THSD7B: variants seen among roughly 807,000 people sequenced by gnomAD.
THSD7B encodes the protein thrombospondin type 1 domain containing 7B, also known as thrombospondin type-1 domain-containing protein 7B.
Under a neutral mutation model 213.6 loss-of-function variants are expected in THSD7B, and 138 were observed. That is an observed-to-expected ratio of 0.65 (90% CI 0.56 to 0.74). The LOEUF (loss-of-function observed/expected upper bound fraction) is 0.74, where lower values mean the gene tolerates loss of function less well. THSD7B is among the 30% of genes least tolerant of loss of function. The pLI is 0.00. For missense variants in THSD7B, 1,931 were observed against 1,991.5 expected (o/e 0.97, Z 0.58); for synonymous variants, 742 against 687.0 (o/e 1.08, Z -1.25).
chr2:137,519,463 T>A (rs1296964067), intron 15 of THSD7B, among the ~76,000 whole-genome samples: 1 of 152,152 alleles, frequency 6.6e-6, no homozygotes, highest in Non-Finnish European at 1.5e-5. Flanking sequence ...AACTGCTGAT[T>A]CTAAAATGCT....
intron 12 of THSD7B, among the ~76,000 whole-genome samples, chr2:137,350,572 C>A (rs1207470226): frequency 6.6e-6 from 1 of 151,620 alleles, no homozygotes; most frequent in Non-Finnish European, 1.5e-5. Context: ...AGCAATAGAA[C>A]CATTGCAGAG....
intron 5 of THSD7B, among the ~76,000 whole-genome samples, chr2:137,126,453 C>A (rs766242049): frequency 6.6e-6 from 1 of 151,594 alleles, no homozygotes; most frequent in South Asian, 2.1e-4. Flanking sequence ...AGGTTTCCCC[C>A]ACCCCCCTGC....
chr2:137,539,156 A>G (rs116233511), intron 15 of THSD7B, among the ~76,000 whole-genome samples: 294 of 151,908 alleles, frequency 1.9e-3, no homozygotes, highest in African/African-American at 7.0e-3. Flanking sequence ...CATATAATAA[A>G]TAAAAGCATC....
At chr2:137,652,213 G>A (rs1683153279) in intron 21 of THSD7B, among the ~76,000 whole-genome samples, 1 of 151,824 alleles carries the variant, frequency 6.6e-6, no homozygotes, top group Non-Finnish European at 1.5e-5. Flanking sequence ...ATCTATTAAT[G>A]TTTTCTTTAT....
chr2:137,007,842 TA>T (rs1686147451), intron 2 of THSD7B, among the ~76,000 whole-genome samples: 1 of 152,180 alleles, frequency 6.6e-6, no homozygotes, highest in Non-Finnish European at 1.5e-5. Flanking sequence ...ATGAGTCACC[TA>T]AATACCACTT....
At chr2:137,576,796 C>A (rs1434214307) in intron 17 of THSD7B, among the ~76,000 whole-genome samples, 3 of 96,622 alleles carry the variant, frequency 3.1e-5, no homozygotes, top group South Asian at 6.8e-4. Context: ...AAGAAAAACA[C>A]CCCCCCCCCT....
At chr2:137,572,361 C>T (rs774947703) in intron 16 of THSD7B, 45 bp from the exon 17 acceptor site, 58 of 1,603,128 alleles carry the variant, frequency 3.6e-5, no homozygotes, top group Non-Finnish European at 4.8e-5. Context: ...AATATACTCT[C>T]CACTGTTTTA....
intron 15 of THSD7B, among the ~76,000 whole-genome samples, chr2:137,528,648 C>T (rs1322539908): frequency 6.6e-6 from 1 of 152,000 alleles, no homozygotes; most frequent in Non-Finnish European, 1.5e-5. Flanking sequence ...GGCTAGCCAT[C>T]CCACACTGCC....
At chr2:136,972,062 A>G (rs1424419469) in intron 2 of THSD7B, among the ~76,000 whole-genome samples, 1 of 152,150 alleles carries the variant, frequency 6.6e-6, no homozygotes, top group Non-Finnish European at 1.5e-5. Flanking sequence ...CTCCCCAGCT[A>G]CCTTCCCTGA....
At chr2:136,994,952 T>C (rs1685856616) in intron 2 of THSD7B, among the ~76,000 whole-genome samples, 1 of 152,208 alleles carries the variant, frequency 6.6e-6, no homozygotes, top group Non-Finnish European at 1.5e-5. Flanking sequence ...GATGCTGGGA[T>C]CTTCAGCTAA....
chr2:137,511,618 G>A (rs1476150322), intron 15 of THSD7B, among the ~76,000 whole-genome samples: 1 of 152,128 alleles, frequency 6.6e-6, no homozygotes. Context: ...ATACACAGAG[G>A]TTATGCTAAC....
intron 14 of THSD7B, among the ~76,000 whole-genome samples, chr2:137,438,949 G>C (rs1367290197): frequency 6.6e-6 from 1 of 152,080 alleles, no homozygotes; most frequent in Non-Finnish European, 1.5e-5. Flanking sequence ...AAAAGAGAAA[G>C]ATTTGAGACA....
At chr2:137,504,885 C>T (rs1214342071) in intron 15 of THSD7B, among the ~76,000 whole-genome samples, 1 of 152,034 alleles carries the variant, frequency 6.6e-6, no homozygotes, top group East Asian at 1.9e-4. Context: ...TTAGAGAAAA[C>T]GACTGTGAGA....
chr2:137,551,644 TTAAA>T (rs1478166839), intron 15 of THSD7B, among the ~76,000 whole-genome samples: 7 of 152,222 alleles, frequency 4.6e-5, no homozygotes, highest in African/African-American at 1.7e-4. Flanking sequence ...ATACATTTTG[TTAAA>T]TAAAGCTTAT....
intron 12 of THSD7B, among the ~76,000 whole-genome samples, chr2:137,392,663 C>G (rs1686060681): frequency 6.6e-6 from 1 of 152,010 alleles, no homozygotes; most frequent in Non-Finnish European, 1.5e-5. Flanking sequence ...TTTTTATAAG[C>G]AATATATGGT....
At chr2:137,546,415 T>TTATATA (rs1299890799) in intron 15 of THSD7B, among the ~76,000 whole-genome samples, 1 of 25,528 alleles carries the variant, frequency 3.9e-5, no homozygotes, top group Non-Finnish European at 6.1e-5. Flanking sequence ...TATATATATA[T>TTATATA]TATATATATT....
chr2:136,817,096 G>A (rs189143713), intron 1 of THSD7B, among the ~76,000 whole-genome samples: 2 of 152,204 alleles, frequency 1.3e-5, no homozygotes, highest in Admixed American at 1.3e-4. Context: ...TACCTGAGCC[G>A]AAAAACAATG....
chr2:136,807,063 G>A (rs964841279), intron 1 of THSD7B, among the ~76,000 whole-genome samples: 1 of 152,156 alleles, frequency 6.6e-6, no homozygotes, highest in African/African-American at 2.4e-5. Flanking sequence ...CATCACTATT[G>A]ATGTTAACCT....
At chr2:137,457,976 A>G (rs1167135358) in intron 15 of THSD7B, among the ~76,000 whole-genome samples, 3 of 152,338 alleles carry the variant, frequency 2.0e-5, no homozygotes, top group African/African-American at 2.4e-5. Context: ...TGTCAATGCA[A>G]TCAATCATTT....
Sources: allele counts gnomAD v4.1 joint callset (sites outside exome capture counted in the v4.1 genomes callset), GRCh38; gene constraint gnomAD v4.1.1; transcripts MANE v1.5; gene names NCBI Gene and HGNC (gene_info 2026-07-23, HGNC 2026-07-21).